The following THEMIS variants were observed in gnomAD, a reference collection of about 807,000 sequenced individuals.
THEMIS encodes protein THEMIS.
THEMIS carries 37 observed loss-of-function variants against 52.6 expected under a neutral mutation model. That is an observed-to-expected ratio of 0.70 (90% CI 0.54 to 0.93). THEMIS has a LOEUF of 0.93. THEMIS is among the 40% of genes least tolerant of loss of function. The pLI, the probability that THEMIS is intolerant of heterozygous loss-of-function variation, is 0.00. For synonymous variants in THEMIS, 292 were observed against 272.7 expected (o/e 1.07, Z -0.70); for missense variants, 808 against 763.1 (o/e 1.06, Z -0.69).
chr6:127,811,252 C>T (rs1442852449), intron 4 of THEMIS, among the ~76,000 whole-genome samples: 2 of 152,102 alleles, frequency 1.3e-5, no homozygotes, highest in Non-Finnish European at 2.9e-5. Flanking sequence ...ATTTTACAGT[C>T]CTATAGGTTA....
chr6:127,787,894 T>G (rs1777025966), intron 4 of THEMIS, among the ~76,000 whole-genome samples: 1 of 147,890 alleles, frequency 6.8e-6, no homozygotes, highest in Non-Finnish European at 1.5e-5. Flanking sequence ...GATAGATAGA[T>G]AGATAGATAG....
intron 4 of THEMIS, among the ~76,000 whole-genome samples, chr6:127,779,550 A>C (rs1204693770): frequency 2.6e-5 from 4 of 152,164 alleles, no homozygotes; most frequent in African/African-American, 9.6e-5. Context: ...GTCACTGAAA[A>C]ATATACTATA....
In THEMIS at chr6:127,798,991, C is replaced by CAA. The variant is rs760389708; in HGVS notation, c.1758+13890_1758+13891dup. Among the ~76,000 whole-genome samples, 214 of 71,470 alleles carry CAA rather than the reference C, an allele frequency of 3.0e-3. 5 individuals are homozygous for CAA. The highest frequency in any genetic ancestry group is 0.016 in the Middle Eastern group (2 of 126). The allele number at this position is 71,470 out of a possible 152,430, so 46.9% of individuals were successfully genotyped here. On this transcript the variant is annotated intron_variant, in intron 4 of 5. Transcript: ENST00000368248. ...TGGGCGACAGAGCGAGACTCCGTCT[C>CAA]AAAAAAAAAAAAAAAAAGAAAGAAA...
intron 4 of THEMIS, among the ~76,000 whole-genome samples, chr6:127,793,184 G>A (rs1389623397): frequency 6.6e-6 from 1 of 152,214 alleles, no homozygotes; most frequent in Non-Finnish European, 1.5e-5. Flanking sequence ...GGAGAGAACA[G>A]GGACAAGCTA....
intron 4 of THEMIS, among the ~76,000 whole-genome samples, chr6:127,732,652 T>C (rs1437853175): frequency 6.6e-6 from 1 of 152,240 alleles, no homozygotes; most frequent in Non-Finnish European, 1.5e-5. Context: ...TTGAATCATA[T>C]AACATATTCT....
At chr6:127,757,662 T>C (rs1379072044) in intron 4 of THEMIS, among the ~76,000 whole-genome samples, 1 of 152,086 alleles carries the variant, frequency 6.6e-6, no homozygotes. Context: ...TTTCGTATTT[T>C]TTAGTAGAGA....
chr6:127,817,077 A>G (rs1023850617), intron 3 of THEMIS, among the ~76,000 whole-genome samples: 1 of 152,096 alleles, frequency 6.6e-6, no homozygotes, highest in African/African-American at 2.4e-5. Context: ...TTCACCTTCT[A>G]TCATTCCATA....
intron 1 of THEMIS, among the ~76,000 whole-genome samples, chr6:127,869,372 G>A (rs1297635800): frequency 6.6e-6 from 1 of 152,196 alleles, no homozygotes; most frequent in Non-Finnish European, 1.5e-5. Flanking sequence ...TAGAGTATCA[G>A]TTGTTTGCCT....
intron 4 of THEMIS, among the ~76,000 whole-genome samples, chr6:127,758,406 CCTTATAATAAATATATATTATATATAT>C (rs1775907190): frequency 6.8e-6 from 1 of 147,400 alleles, no homozygotes; most frequent in African/African-American, 2.5e-5. Context: ...TTAACAATTA[CCTTATAATAAATATATATTATATATAT>C]AACATATATA....
chr6:127,878,081 A>G (rs893705997), intron 1 of THEMIS, among the ~76,000 whole-genome samples: 6 of 152,170 alleles, frequency 3.9e-5, no homozygotes, highest in African/African-American at 1.4e-4. Context: ...TTTGTTTCCT[A>G]TTAATACAGG....
chr6:127,807,914 G>T (rs1777773092), intron 4 of THEMIS, among the ~76,000 whole-genome samples: 1 of 152,202 alleles, frequency 6.6e-6, no homozygotes. Context: ...AGCAGCTGCT[G>T]AAGTGTTCTC....
At chr6:127,705,519 C>T (rs1018615003), downstream of THEMIS, among the ~76,000 whole-genome samples, 10 of 152,192 alleles carry the variant, frequency 6.6e-5, no homozygotes, top group African/African-American at 2.4e-4. Context: ...GAAGAAACAA[C>T]CTAGTCAGTT....
chr6:127,719,660 T>C, intron 5 of THEMIS, 28 bp downstream of exon 5: 1 of 1,571,590 alleles, frequency 6.4e-7, no homozygotes, highest in Non-Finnish European at 8.6e-7. Context: ...ACCACCGTGG[T>C]TTAACTGACC....
At chr6:127,766,212 C>T (rs775185433) in intron 4 of THEMIS, among the ~76,000 whole-genome samples, 8 of 152,130 alleles carry the variant, frequency 5.3e-5, no homozygotes, top group Non-Finnish European at 8.8e-5. Flanking sequence ...AGTCTTACCT[C>T]CCTTAATAGC....
At chr6:127,816,906 C>T (rs1778155117) in intron 3 of THEMIS, among the ~76,000 whole-genome samples, 1 of 152,194 alleles carries the variant, frequency 6.6e-6, no homozygotes, top group African/African-American at 2.4e-5. Flanking sequence ...TTTCCTCTGC[C>T]TGTTACATAC....
At chr6:127,821,727 A>G (rs1458029626) in intron 3 of THEMIS, among the ~76,000 whole-genome samples, 1 of 152,002 alleles carries the variant, frequency 6.6e-6, no homozygotes, top group Admixed American at 6.5e-5. Flanking sequence ...CACCACTAAA[A>G]TTGTCTTTAA....
At chr6:127,858,354 T>C (rs2114317123) in intron 1 of THEMIS, among the ~76,000 whole-genome samples, 1 of 152,224 alleles carries the variant, frequency 6.6e-6, no homozygotes, top group East Asian at 1.9e-4. Flanking sequence ...TTCTCTTTAA[T>C]ATTTCGTGAC....
chr6:127,719,883 T>G (rs907934897), intron 4 of THEMIS, 60 bp from the exon 5 acceptor site: 1 of 1,582,602 alleles, frequency 6.3e-7, no homozygotes, highest in Admixed American at 1.9e-5. Context: ...CATAGAGATA[T>G]GAAAGATTTA....
intron 2 of THEMIS, among the ~76,000 whole-genome samples, chr6:127,842,672 T>A (rs1779088675): frequency 6.6e-6 from 1 of 151,894 alleles, no homozygotes; most frequent in African/African-American, 2.4e-5. Flanking sequence ...CCCAGAGACA[T>A]TCTAGGATAG....
Sources: gnomAD v4.1 joint callset for allele counts (sites outside exome capture counted in the v4.1 genomes callset) on GRCh38, gnomAD v4.1.1 for gene constraint, MANE v1.5 for transcripts, NCBI Gene and HGNC (gene_info 2026-07-23, HGNC 2026-07-21) for gene names.